CCSER1: variants seen among roughly 807,000 people sequenced by gnomAD.
CCSER1 encodes the protein coiled-coil serine rich protein 1, also known as serine-rich coiled-coil domain-containing protein 1.
In CCSER1, 41 loss-of-function variants were observed where a neutral mutation model predicts 82.0. That is an observed-to-expected ratio of 0.50 (90% CI 0.39 to 0.65). The LOEUF (loss-of-function observed/expected upper bound fraction) is 0.65, where lower values mean the gene tolerates loss of function less well. Among genes scored for constraint, CCSER1 ranks in the 30% least tolerant of loss-of-function variants. The pLI is 0.00. For missense variants in CCSER1, 1,119 were observed against 1,064.2 expected, an observed-to-expected ratio of 1.05 and a Z score of -0.72; for synonymous variants, 414 against 383.9, an observed-to-expected ratio of 1.08 and a Z score of -0.92.
intron 10 of CCSER1, among the ~76,000 whole-genome samples, chr4:91,147,525 G>C (rs9998242): frequency 0.73 from 110,918 of 152,086 alleles, 40,723 homozygotes; most frequent in Non-Finnish European, 0.78. Flanking sequence ...CCACATTCTT[G>C]TCAGTTTTCT....
intron 10 of CCSER1, among the ~76,000 whole-genome samples, chr4:91,113,169 T>C (rs1400524362): frequency 6.6e-6 from 1 of 152,220 alleles, no homozygotes; most frequent in African/African-American, 2.4e-5. Context: ...TTTATATCTT[T>C]ACAATCTTCA....
chr4:91,262,007 A>G lies in CCSER1; in HGVS notation c.2217+176013A>G, dbSNP rs148202711. On this transcript the variant is annotated intron_variant, in intron 10 of 10. Transcript: ENST00000509176. ...TTGAGACAAATTTTTAACCTCTTTC[A>G]TAAGCTTCAATTTCCTGAATTATAA... is the stretch of plus-strand genomic sequence containing the variant. Among the ~76,000 whole-genome samples the G allele has an allele frequency of 2.8e-4, 43 of 152,250 alleles. 1 individual carries two copies. In the East Asian group the frequency reaches 8.3e-3, roughly 29 times the overall value.
Position 91,162,007 on chromosome 4 carries a change from G to A in CCSER1, c.2217+76013G>A, listed in dbSNP as rs532718604. ...GTGGTGAGAGAGGCATCCTTGTCTGGTGCCAGATTTCAAAGGGAATGCTTG... is the reference window on the plus strand; with the variant it reads ...GTGGTGAGAGAGGCATCCTTGTCTGATGCCAGATTTCAAAGGGAATGCTTG... On this transcript the variant is annotated intron_variant, in intron 10 of 10. Coordinates refer to ENST00000509176, the MANE Select transcript of CCSER1 (RefSeq NM_001145065.2). 4.6e-5 allele frequency among the ~76,000 whole-genome samples: 7 copies of A among 152,230 alleles called. No individual in the cohort carries two copies. The East Asian group carries it at 1.4e-3, about 29-fold the overall frequency.
intron 6 of CCSER1, among the ~76,000 whole-genome samples, chr4:90,715,739 T>G (rs578116045): frequency 1.8e-4 from 27 of 152,062 alleles, no homozygotes; most frequent in Admixed American, 9.9e-4. Flanking sequence ...ATACTCACTC[T>G]TAAGCCTTAT....
At chr4:90,297,101 A>T (rs908229836) in intron 1 of CCSER1, among the ~76,000 whole-genome samples, 2 of 151,936 alleles carry the variant, frequency 1.3e-5, no homozygotes, top group East Asian at 3.9e-4. Flanking sequence ...CCATTTTCAC[A>T]ATATTGATTC....
At chr4:91,583,179 T>G (rs767976387) in intron 10 of CCSER1, among the ~76,000 whole-genome samples, 6 of 151,416 alleles carry the variant, frequency 4.0e-5, no homozygotes. Flanking sequence ...ACACAATCTC[T>G]GATTATATTT....
At chr4:91,245,156 TCAAA>T (rs1739663986) in intron 10 of CCSER1, among the ~76,000 whole-genome samples, 1 of 152,076 alleles carries the variant, frequency 6.6e-6, no homozygotes, top group Non-Finnish European at 1.5e-5. Context: ...GAAAATAGCC[TCAAA>T]CAGGCAAATG....
At chr4:91,120,848 A>G (rs1216618168) in intron 10 of CCSER1, among the ~76,000 whole-genome samples, 1 of 151,902 alleles carries the variant, frequency 6.6e-6, no homozygotes, top group African/African-American at 2.4e-5. Context: ...AACTAACAAA[A>G]TAAAACCAGG....
chr4:90,642,879 A>ATGCATTATT (rs1726803862), intron 6 of CCSER1, among the ~76,000 whole-genome samples: 1 of 138,244 alleles, frequency 7.2e-6, no homozygotes, highest in Non-Finnish European at 1.5e-5. Context: ...ACATACATAC[A>ATGCATTATT]TGCATTATTT....
At chr4:91,248,754 GAT>G (rs1344722426) in intron 10 of CCSER1, among the ~76,000 whole-genome samples, 1 of 151,330 alleles carries the variant, frequency 6.6e-6, no homozygotes, top group Non-Finnish European at 1.5e-5. Context: ...TATGAAAAAA[GAT>G]ATCGACTTTA....
chr4:90,248,157 C>T (rs911274050), intron 1 of CCSER1, among the ~76,000 whole-genome samples: 1 of 152,184 alleles, frequency 6.6e-6, no homozygotes, highest in Middle Eastern at 3.4e-3. Context: ...AAATAAAACA[C>T]ATGGTAAATT....
At chr4:91,223,258 GT>G (rs1737891101) in intron 10 of CCSER1, among the ~76,000 whole-genome samples, 1 of 151,956 alleles carries the variant, frequency 6.6e-6, no homozygotes, top group East Asian at 1.9e-4. Context: ...AATATTATTT[GT>G]TTAGAAATCA....
intron 10 of CCSER1, among the ~76,000 whole-genome samples, chr4:91,561,163 G>A (rs1355404543): frequency 1.3e-5 from 2 of 151,286 alleles, no homozygotes; most frequent in Admixed American, 6.6e-5. Flanking sequence ...TCAAAGTGTC[G>A]TGTCTTACCC....
At chr4:91,050,097 T>C (rs967219790) in intron 9 of CCSER1, among the ~76,000 whole-genome samples, 1 of 152,220 alleles carries the variant, frequency 6.6e-6, no homozygotes, top group Non-Finnish European at 1.5e-5. Context: ...TGAATAAATA[T>C]ACATATTTAG....
At chr4:91,579,286 C>G (rs113860187) in intron 10 of CCSER1, among the ~76,000 whole-genome samples, 77 of 151,468 alleles carry the variant, frequency 5.1e-4, no homozygotes, top group African/African-American at 1.8e-3. Flanking sequence ...GTTGTATGGA[C>G]CAATTCCATA....
At chr4:90,349,846 A>T (rs1160346941) in intron 3 of CCSER1, among the ~76,000 whole-genome samples, 1 of 145,602 alleles carries the variant, frequency 6.9e-6, no homozygotes, top group Non-Finnish European at 1.5e-5. Context: ...CATTCACGTG[A>T]GGTAAATGAG....
At chr4:90,174,247 G>A (rs975833184) in intron 1 of CCSER1, among the ~76,000 whole-genome samples, 1 of 151,844 alleles carries the variant, frequency 6.6e-6, no homozygotes, top group Non-Finnish European at 1.5e-5. Context: ...TATACCAGGA[G>A]TTTACAACTA....
At chr4:90,581,395 A>G (rs1427860504) in intron 5 of CCSER1, among the ~76,000 whole-genome samples, 1 of 152,164 alleles carries the variant, frequency 6.6e-6, no homozygotes. Context: ...TTCAGTAGGA[A>G]GATAGAATGA....
At chr4:91,463,110 G>A (rs967318253) in intron 10 of CCSER1, among the ~76,000 whole-genome samples, 1 of 152,172 alleles carries the variant, frequency 6.6e-6, no homozygotes, top group African/African-American at 2.4e-5. Context: ...GCACCCCCCA[G>A]TAGAGGTAGA....
Sources: gnomAD v4.1 joint callset for allele counts (sites outside exome capture counted in the v4.1 genomes callset) on GRCh38, gnomAD v4.1.1 for gene constraint, MANE v1.5 for transcripts, NCBI Gene and HGNC (gene_info 2026-07-23, HGNC 2026-07-21) for gene names.